Variants in PRKN observed in about 807,000 individuals in gnomAD.
The protein encoded by PRKN is parkin RBR E3 ubiquitin protein ligase, also known as E3 ubiquitin-protein ligase parkin.
A neutral mutation model predicts 59.5 loss-of-function variants in PRKN; 56 were observed. The observed-to-expected ratio is 0.94, with a 90% confidence interval of 0.76 to 1.18. PRKN has a LOEUF of 1.18. Ranked by LOEUF, PRKN falls within the 50% of genes most tolerant of loss-of-function variation. PRKN has a pLI of 0.00. For missense variants in PRKN, 657 were observed against 596.4 expected (o/e 1.10, Z -1.06); for synonymous variants, 250 against 222.1 (o/e 1.13, Z -1.12).
In PRKN at chr6:161,362,172, T is replaced by C. The variant is rs1374850924; in HGVS notation, c.1168-1967A>G. On this transcript the variant is annotated intron_variant, in intron 10 of 11. Transcript: ENST00000366898. This position sits in a 1 kb window ranked among gnomAD's most constrained non-coding sequence, Gnocchi z 5.2. The stretch of plus-strand genomic sequence containing the variant: ...GCCATTTTTTAGCAACATGGCATAC[T>C]GCATGTGAAGGGCAATTTCTCCCAG... Among the ~76,000 whole-genome samples the C allele has an allele frequency of 1.3e-5, 2 of 152,226 alleles. No homozygotes were observed. Among genetic ancestry groups the C allele is most frequent in the African/African-American group, 4.8e-5 (2 of 41,464 alleles).
intron 6 of PRKN, among the ~76,000 whole-genome samples, chr6:161,860,585 T>A (rs75060091): frequency 0.056 from 8,484 of 152,244 alleles, 239 homozygotes; most frequent in Non-Finnish European, 0.066. Flanking sequence ...TTTTAAAACC[T>A]TGGAGTCTGT....
In PRKN at chr6:161,388,434, G is replaced by C. The variant is rs563402256; in HGVS notation, c.1084-1557C>G. 6.6e-6 allele frequency among the ~76,000 whole-genome samples: 1 copy of C among 152,298 alleles called. No homozygotes were observed. The highest frequency in any genetic ancestry group is 1.5e-5 in the Non-Finnish European group (1 of 68,024). ...CTTTCAATGGAACTTTCTTTAATAA[G>C]TTGTAGGCAACATCTCCCACAGCAG... On this transcript the variant is annotated intron_variant, in intron 9 of 11. Transcript: ENST00000366898. This position sits in a 1 kb window ranked among gnomAD's most constrained non-coding sequence, Gnocchi z 4.3.
intron 4 of PRKN, among the ~76,000 whole-genome samples, chr6:162,192,465 T>G (rs1166091925): frequency 7.1e-6 from 1 of 140,952 alleles, no homozygotes; most frequent in Non-Finnish European, 1.5e-5. Context: ...TTTTTTTTTT[T>G]TTTTTTAGAT....
chr6:162,676,576 T>C (rs566021216), intron 1 of PRKN, among the ~76,000 whole-genome samples: 2 of 152,256 alleles, frequency 1.3e-5, no homozygotes, highest in South Asian at 4.1e-4. Context: ...GGGTATTGAA[T>C]GATAGCTTCC....
chr6:162,709,452 T>C (rs1354155447), intron 1 of PRKN, among the ~76,000 whole-genome samples: 1 of 151,928 alleles, frequency 6.6e-6, no homozygotes, highest in Non-Finnish European at 1.5e-5. Context: ...ACCTCTCCCC[T>C]TGGACAAACA....
chr6:162,118,329 C>G (rs1780762208), intron 4 of PRKN, among the ~76,000 whole-genome samples: 1 of 151,926 alleles, frequency 6.6e-6, no homozygotes, highest in Admixed American at 6.6e-5. Flanking sequence ...GGTTGTGAAG[C>G]CGGGAGGTGG....
chr6:161,844,777 C>T (rs35545044), intron 6 of PRKN, among the ~76,000 whole-genome samples: 40,944 of 152,160 alleles, frequency 0.27, 6,206 homozygotes, highest in South Asian at 0.37. Flanking sequence ...CCTCCACCCC[C>T]ACCCCGGAAG....
intron 8 of PRKN, among the ~76,000 whole-genome samples, chr6:161,553,162 C>T (rs1780105288): frequency 6.6e-6 from 1 of 151,018 alleles, no homozygotes; most frequent in African/African-American, 2.4e-5. Context: ...CCTCCATTGT[C>T]TTTTTTTCCT....
At chr6:162,282,757 T>C (rs958518547) in intron 2 of PRKN, among the ~76,000 whole-genome samples, 1 of 152,218 alleles carries the variant, frequency 6.6e-6, no homozygotes, top group Non-Finnish European at 1.5e-5. Flanking sequence ...CCCATTTGTC[T>C]GTATGTTGTA....
chr6:161,678,106 T>C (rs1168315798), intron 7 of PRKN, among the ~76,000 whole-genome samples: 1 of 152,070 alleles, frequency 6.6e-6, no homozygotes, highest in Non-Finnish European at 1.5e-5. Flanking sequence ...TGGTATTTTG[T>C]TTTTAAAATA....
At chr6:162,620,337 G>T (rs956442168) in intron 1 of PRKN, among the ~76,000 whole-genome samples, 1 of 151,936 alleles carries the variant, frequency 6.6e-6, no homozygotes, top group African/African-American at 2.4e-5. Flanking sequence ...CCACCTTCTG[G>T]TTATTGTTAA....
rs1784891082 is a variant in PRKN, at chr6:161,359,394, C to A, written c.1285+694G>T. 6.6e-6 allele frequency among the ~76,000 whole-genome samples: 1 copy of A among 152,246 alleles called. No individual in the cohort carries two copies. Among genetic ancestry groups the A allele is most frequent in the Non-Finnish European group, 1.5e-5 (1 of 68,048 alleles). ...CCGCAAGTCAGCTCTGGGCAACCTG[C>A]CAGCCAGGGCGTAGCTGATGCTCAT... On this transcript the variant is annotated intron_variant, in intron 11 of 11. Transcript: ENST00000366898. This position sits in a 1 kb window ranked among gnomAD's most constrained non-coding sequence, Gnocchi z 5.4.
chr6:161,677,521 C>A (rs1408327431), intron 7 of PRKN, among the ~76,000 whole-genome samples: 1 of 152,208 alleles, frequency 6.6e-6, no homozygotes, highest in Admixed American at 6.5e-5. Flanking sequence ...TAGCACGAAG[C>A]CAGCACTGCT....
intron 5 of PRKN, among the ~76,000 whole-genome samples, chr6:161,990,935 C>T (rs1781621973): frequency 6.6e-6 from 1 of 152,114 alleles, no homozygotes; most frequent in Non-Finnish European, 1.5e-5. Flanking sequence ...TCAAAAATGT[C>T]TTTTTCAAGG....
At chr6:162,727,533 C>T (rs1407419067) in intron 1 of PRKN, 129 bp downstream of exon 1, 12 of 1,054,742 alleles carry the variant, frequency 1.1e-5, no homozygotes, top group African/African-American at 4.9e-5. Flanking sequence ...GGGCCGGGGA[C>T]GGCACGGGCA....
intron 1 of PRKN, among the ~76,000 whole-genome samples, chr6:162,645,354 C>T (rs1222605818): frequency 6.6e-6 from 1 of 152,166 alleles, no homozygotes; most frequent in African/African-American, 2.4e-5. Flanking sequence ...TTCAAGGACA[C>T]CAGCTGATTT....
intron 5 of PRKN, among the ~76,000 whole-genome samples, chr6:162,000,759 C>T (rs1252350973): frequency 1.3e-5 from 2 of 151,732 alleles, no homozygotes; most frequent in African/African-American, 2.4e-5. Flanking sequence ...TCCAGTGTTA[C>T]TTTCTCGGAG....
intron 6 of PRKN, among the ~76,000 whole-genome samples, chr6:161,904,043 A>G (rs926700963): frequency 1.3e-5 from 2 of 152,022 alleles, no homozygotes; most frequent in Non-Finnish European, 2.9e-5. Context: ...GACACACCCC[A>G]TGGAATGATG....
intron 3 of PRKN, among the ~76,000 whole-genome samples, chr6:162,256,808 C>T (rs1186790324): frequency 6.6e-6 from 1 of 152,124 alleles, no homozygotes; most frequent in African/African-American, 2.4e-5. Flanking sequence ...GCAATGTCTC[C>T]CTTCCCCTTG....
Sources: allele counts gnomAD v4.1 joint callset (sites outside exome capture counted in the v4.1 genomes callset), GRCh38; gene constraint gnomAD v4.1.1; non-coding constraint Gnocchi (gnomAD v3.1); transcripts MANE v1.5; gene names NCBI Gene and HGNC (gene_info 2026-07-23, HGNC 2026-07-21).